The following DLEU7 variants were observed in gnomAD, a reference collection of about 807,000 sequenced individuals.
The protein encoded by DLEU7 is deleted in lymphocytic leukemia 7.
Under a neutral mutation model 16.0 loss-of-function variants are expected in DLEU7, and 17 were observed. The observed-to-expected ratio is 1.06, with a 90% CI of 0.73 to 1.59. The LOEUF is 1.59. Ranked by LOEUF, DLEU7 falls within the 40% of genes most tolerant of loss-of-function variation. The probability of loss-of-function intolerance (pLI) is 0.00; values close to 1 mark genes in which losing one functional copy is unlikely to be tolerated. For missense variants in DLEU7, 308 were observed against 314.9 expected, an observed-to-expected ratio of 0.98 and a Z score of 0.17; for synonymous variants, 113 against 139.8, an observed-to-expected ratio of 0.81 and a Z score of 1.35.
intron 1 of DLEU7, among the ~76,000 whole-genome samples, chr13:50,826,023 C>G (rs1426836342): frequency 7.4e-6 from 1 of 135,500 alleles, no homozygotes; most frequent in Admixed American, 7.9e-5. Context: ...CCCGACCCCA[C>G]GACAGGCCCC....
chr13:50,769,658 G>A (rs1875233886), intron 1 of DLEU7, among the ~76,000 whole-genome samples: 1 of 152,056 alleles, frequency 6.6e-6, no homozygotes, highest in South Asian at 2.1e-4. Context: ...TTCTGTTTTG[G>A]TACCAGTACC....
At chr13:50,730,646 C>T (rs1319829534) in intron 1 of DLEU7, among the ~76,000 whole-genome samples, 1 of 152,036 alleles carries the variant, frequency 6.6e-6, no homozygotes, top group African/African-American at 2.4e-5. Context: ...CAGAGTGTGG[C>T]ATGCAACTGG....
At chr13:50,820,613 C>T (rs1876873698), downstream of DLEU7, among the ~76,000 whole-genome samples, 1 of 152,102 alleles carries the variant, frequency 6.6e-6, no homozygotes. Context: ...CAGAAGCAAG[C>T]TCATCAGCTG....
At chr13:50,821,753 A>C (rs894376414), downstream of DLEU7, among the ~76,000 whole-genome samples, 10 of 152,020 alleles carry the variant, frequency 6.6e-5, no homozygotes, top group Admixed American at 5.9e-4. Flanking sequence ...AAAAAACCTT[A>C]ATATTCGTTG....
intron 1 of DLEU7, among the ~76,000 whole-genome samples, chr13:50,836,715 G>A (rs1877479820): frequency 6.6e-6 from 1 of 151,924 alleles, no homozygotes; most frequent in Admixed American, 6.6e-5. Context: ...AGAGAGAAAG[G>A]AAGGAGGCAA....
chr13:50,719,276 C>T (rs1052481658), intron 1 of DLEU7, among the ~76,000 whole-genome samples: 1 of 151,996 alleles, frequency 6.6e-6, no homozygotes, highest in Non-Finnish European at 1.5e-5. Context: ...CTTTATGTTA[C>T]GTTTTTGGTG....
chr13:50,795,599 G>A (rs1189340787), intron 1 of DLEU7, among the ~76,000 whole-genome samples: 2 of 152,088 alleles, frequency 1.3e-5, no homozygotes, highest in African/African-American at 4.8e-5. Flanking sequence ...AATTTAAACT[G>A]TACTTCAGAT....
At chr13:50,813,149 T>C (rs922980224) in intron 1 of DLEU7, 1 of 152,142 alleles carries the variant, frequency 6.6e-6, no homozygotes, top group Non-Finnish European at 1.5e-5. Context: ...AACTCTTTGG[T>C]GTCTAGTTTG....
intron 1 of DLEU7, among the ~76,000 whole-genome samples, chr13:50,780,149 C>T (rs1205171559): frequency 6.6e-5 from 10 of 152,150 alleles, no homozygotes; most frequent in Admixed American, 2.6e-4. Flanking sequence ...GGTAGGCTTA[C>T]GAGTACAGCC....
rs754176819 is a variant in DLEU7 at position 50,813,292 on chromosome 13, T to TGA, written c.459+29894_459+29895dup. 5.1e-4 allele frequency among the ~76,000 whole-genome samples: 77 copies of TGA among 152,296 alleles called. No individual in the cohort carries two copies. The Middle Eastern group carries it at 0.014, about 27-fold the overall frequency. ...TCACTAAAAAACTCTGTAATTTGTT[T>TGA]GAGACTTTTTATATCCAATATATAT... On this transcript the variant is annotated intron_variant, in intron 1 of 1. Transcript: ENST00000400393.
At chr13:50,828,763 T>C (rs1432209003) in intron 1 of DLEU7, among the ~76,000 whole-genome samples, 2 of 152,138 alleles carry the variant, frequency 1.3e-5, no homozygotes, top group Admixed American at 6.5e-5. Flanking sequence ...AAAGTGCTTA[T>C]TAGAAAACAT....
chr13:50,764,207 G>A (rs1193919143), intron 1 of DLEU7, among the ~76,000 whole-genome samples: 1 of 152,160 alleles, frequency 6.6e-6, no homozygotes, highest in Non-Finnish European at 1.5e-5. Flanking sequence ...CCCTTACAGT[G>A]TTTTGTGAGA....
rs149373926 is a variant in DLEU7, at chr13:50,752,530, C to T, written c.460-39290G>A. Among the ~76,000 whole-genome samples the T allele has an allele frequency of 3.5e-3, 527 of 152,162 alleles. 10 individuals carry two copies. The East Asian group carries it at 0.042, about 12-fold the overall frequency. On this transcript the variant is annotated intron_variant, in intron 1 of 1. Coordinates refer to the DLEU7 transcript ENST00000400393. Reference sequence around the variant, plus strand: ...CGGTGAGTGTTACAGTTCTTAAAGGCGGCGTGTCCAGAGTTTGTTCCTTCT... The same window carrying T: ...CGGTGAGTGTTACAGTTCTTAAAGGTGGCGTGTCCAGAGTTTGTTCCTTCT...
At chr13:50,731,329 AC>A (rs1186818323) in intron 1 of DLEU7, among the ~76,000 whole-genome samples, 1 of 152,230 alleles carries the variant, frequency 6.6e-6, no homozygotes, top group African/African-American at 2.4e-5. Context: ...AATGCCAAAA[AC>A]CTGGACAACT....
chr13:50,843,465 G>C lies in DLEU7; in HGVS notation c.182C>G (p.Pro61Arg). 6.0e-6 allele frequency: 8 copies of C among 1,327,060 alleles called. No homozygotes were observed. Among genetic ancestry groups the C allele is most frequent in the Non-Finnish European group, 7.6e-6 (8 of 1,046,210 alleles). The allele number at this position is 1,327,060 out of a possible 1,614,324, so 82.2% of individuals were successfully genotyped here. ...ARRSGPPRAR[P>R]GPGREERGGG... ...GCCCCGCTCCTCGCGCCCGGGCCCC[G>C]GCCGGGCCCGCGGCGGGCCTGAGCG... Residue 61 changes from proline to arginine, a missense_variant, in exon 1 of 2, where the codon CCG becomes CGG. Coordinates refer to ENST00000504404, the MANE Select transcript of DLEU7 (RefSeq NM_001306135.2). The surrounding 1 kb of genome is among the most constrained non-coding windows in gnomAD (Gnocchi z 5.7).
chr13:50,740,312 A>G (rs1874219882), intron 1 of DLEU7, among the ~76,000 whole-genome samples: 1 of 152,182 alleles, frequency 6.6e-6, no homozygotes, highest in South Asian at 2.1e-4. Flanking sequence ...CAACTTTCCT[A>G]ATAAGAAAAT....
chr13:50,804,487 A>G (rs2137784197), intron 1 of DLEU7, among the ~76,000 whole-genome samples: 1 of 149,500 alleles, frequency 6.7e-6, no homozygotes, highest in Admixed American at 6.7e-5. Flanking sequence ...CCCAGGCTGG[A>G]GTGTGGAGTG....
rs115419950 is a variant in DLEU7 at position 50,792,028 on chromosome 13, G to A, written c.459+51160C>T. On this transcript the variant is annotated intron_variant, in intron 1 of 1. Transcript: ENST00000400393. Reference sequence around the variant, plus strand: ...TTTTAGGACTGTTGTCAAATCTGGGGAAAACTCTATCAAGTTTCTTTCATA... The same window carrying A: ...TTTTAGGACTGTTGTCAAATCTGGGAAAAACTCTATCAAGTTTCTTTCATA... 4.1e-3 allele frequency among the ~76,000 whole-genome samples: 631 copies of A among 152,266 alleles called. 4 individuals carry two copies. The highest frequency in any genetic ancestry group is 0.014 in the African/African-American group (601 of 41,540).
At chr13:50,791,388 C>T (rs1286144043) in intron 1 of DLEU7, among the ~76,000 whole-genome samples, 1 of 152,176 alleles carries the variant, frequency 6.6e-6, no homozygotes, top group East Asian at 1.9e-4. Flanking sequence ...GGTGGTGAGA[C>T]TTGGGCCTTC....
Sources: allele counts gnomAD v4.1 joint callset (sites outside exome capture counted in the v4.1 genomes callset), GRCh38; gene constraint gnomAD v4.1.1; non-coding constraint Gnocchi (gnomAD v3.1); transcripts MANE v1.5; gene names NCBI Gene and HGNC (gene_info 2026-07-23, HGNC 2026-07-21).